ZGRF1: variants seen among roughly 807,000 people sequenced by gnomAD.
ZGRF1 encodes the protein 5'-3' DNA helicase ZGRF1.
In ZGRF1, 196 loss-of-function variants were observed where a neutral mutation model predicts 203.5. The ratio of observed to expected loss-of-function variants is 0.96; its 90% CI spans 0.86 to 1.08. The LOEUF (loss-of-function observed/expected upper bound fraction) is 1.08. ZGRF1 is among the 50% of genes least tolerant of loss of function. ZGRF1 has a pLI of 0.00. For missense variants in ZGRF1, 2,326 were observed against 2,416.3 expected (o/e 0.96, Z 0.78); for synonymous variants, 809 against 841.3 (o/e 0.96, Z 0.66).
intron 15 of ZGRF1, among the ~76,000 whole-genome samples, chr4:112,582,535 C>G (rs1010222300): frequency 6.6e-6 from 1 of 152,140 alleles, no homozygotes; most frequent in Admixed American, 6.5e-5. Flanking sequence ...TCACTGCAAC[C>G]TCCACCTCCT....
At chr4:112,581,412 A>G (rs1413132998) in intron 16 of ZGRF1, among the ~76,000 whole-genome samples, 1 of 151,952 alleles carries the variant, frequency 6.6e-6, no homozygotes, top group African/African-American at 2.4e-5. Context: ...CATGTACCCT[A>G]AAACTTAAAG....
chr4:112,562,191 G>T lies in ZGRF1; in HGVS notation c.4697+180C>A, dbSNP rs1383555178. ...CCCAAAGTGCTGGGATTACAGGCAT[G>T]AGCCACTGCACCCAGCCCCTTTTCT... On this transcript the variant is annotated intron_variant, in intron 18 of 27. Transcript: ENST00000505019. 53 of 484,016 alleles carry T rather than the reference G, an allele frequency of 1.1e-4. No homozygotes were observed. In the East Asian group the frequency reaches 2.1e-3, roughly 19 times the overall value. The allele number at this position is 484,016 out of a possible 1,614,324, so 30.0% of individuals were successfully genotyped here.
At chr4:112,615,923 C>T (rs1370291238) in intron 6 of ZGRF1, among the ~76,000 whole-genome samples, 1 of 152,182 alleles carries the variant, frequency 6.6e-6, no homozygotes, top group Non-Finnish European at 1.5e-5. Flanking sequence ...GCATGAGCCA[C>T]TGTGCCTGGC....
At chr4:112,568,330 G>A (rs549568805) in intron 16 of ZGRF1, among the ~76,000 whole-genome samples, 1 of 152,228 alleles carries the variant, frequency 6.6e-6, no homozygotes, top group African/African-American at 2.4e-5. Context: ...GTTAGACACT[G>A]TATAGAGAAA....
At chr4:112,626,062 G>A (rs961846367) in intron 3 of ZGRF1, among the ~76,000 whole-genome samples, 2 of 152,044 alleles carry the variant, frequency 1.3e-5, no homozygotes, top group African/African-American at 4.8e-5. Flanking sequence ...GGTAAATCTA[G>A]AGACAGTAAG....
At position 112,560,873 on chromosome 4, in the gene ZGRF1, C is replaced by T. The variant is rs770200992; in HGVS notation, c.4820G>A (p.Ser1607Asn). 1 of 1,613,776 alleles carries T rather than the reference C, an allele frequency of 6.2e-7. No homozygotes were observed. Residue 1607 changes from serine to asparagine, a missense_variant, in exon 19 of 28, where the codon AGT becomes AAT. Physicochemically the swap from Ser to Asn is conservative, Grantham distance 46. Coordinates refer to ENST00000505019, the MANE Select transcript of ZGRF1 (RefSeq NM_018392.5). Reference protein sequence around the residue: ...LSLGATLKLASELIQVHKLNK... With the variant: ...LSLGATLKLANELIQVHKLNK... ...TAACTTGTGTACCTGAATCAACTCA[C>T]TAGCTAACTTCAATGTTGCTCCTAG...
At chr4:112,563,062 A>G in intron 17 of ZGRF1, 69 bp downstream of exon 17, 1 of 1,358,634 alleles carries the variant, frequency 7.4e-7, no homozygotes, top group Non-Finnish European at 9.9e-7. Context: ...GTTGGCTTTA[A>G]TCAAACAGTG....
chr4:112,585,477 T>C (rs985170647), intron 14 of ZGRF1, 64 bp downstream of exon 14: 161 of 1,291,020 alleles, frequency 1.2e-4, no homozygotes, highest in Non-Finnish European at 1.6e-4. Context: ...CATGAAGTAA[T>C]AGGTATCTAA....
At position 112,553,878 on chromosome 4, in the gene ZGRF1, A is replaced by G; in HGVS notation, c.5303T>C (p.Ile1768Thr). ...PTERVYVRKS[I>T]EQHKLGTNRT... ...ATTGGTCCCCAGTTTATGCTGCTCA[A>G]TGCTTTTTCTCACATAGACTCTTTC... Residue 1768 changes from isoleucine (I) to threonine (T), a missense_variant, in exon 22 of 28, where the codon ATT (isoleucine) becomes ACT (threonine). By Grantham distance (89) the Ile-to-Thr change is moderately conservative. Transcript: ENST00000505019. 6.2e-7 allele frequency: 1 copy of G among 1,613,576 alleles called. No homozygotes were observed. The highest frequency in any genetic ancestry group is 8.5e-7 in the Non-Finnish European group (1 of 1,179,750).
chr4:112,587,199 G>A, intron 12 of ZGRF1, 81 bp downstream of exon 12: 4 of 1,349,786 alleles, frequency 3.0e-6, no homozygotes, highest in Non-Finnish European at 4.0e-6. Context: ...CTCCTATGCA[G>A]TATATTTTGG....
At chr4:112,548,155 G>T in intron 23 of ZGRF1, 98 bp downstream of exon 23, 1 of 1,043,702 alleles carries the variant, frequency 9.6e-7, no homozygotes, top group Non-Finnish European at 1.4e-6. Context: ...TGTCCAAGCT[G>T]GTCGCAAACT....
At chr4:112,596,391 C>A (rs925325763) in intron 10 of ZGRF1, among the ~76,000 whole-genome samples, 5 of 151,964 alleles carry the variant, frequency 3.3e-5, no homozygotes, top group African/African-American at 1.2e-4. Context: ...AAGTAGGATA[C>A]AATGGACTAA....
chr4:112,610,220 T>C (rs983569402), intron 7 of ZGRF1, among the ~76,000 whole-genome samples: 2 of 152,200 alleles, frequency 1.3e-5, no homozygotes, highest in African/African-American at 2.4e-5. Flanking sequence ...ACAACGGTAC[T>C]AGTAAAAATG....
chr4:112,619,900 G>T, intron 5 of ZGRF1, 102 bp downstream of exon 5: 1 of 1,002,090 alleles, frequency 1.0e-6, no homozygotes, highest in African/African-American at 1.6e-5. Context: ...ATACTATGAA[G>T]TGCCCTTTGA....
At chr4:112,548,047 T>C in intron 23 of ZGRF1, among the ~76,000 whole-genome samples, 1 of 151,968 alleles carries the variant, frequency 6.6e-6, no homozygotes, top group Non-Finnish European at 1.5e-5. Flanking sequence ...GCTCAAACAA[T>C]CCTCCCACCT....
intron 21 of ZGRF1, among the ~76,000 whole-genome samples, chr4:112,554,360 G>A (rs571779336): frequency 6.6e-6 from 1 of 151,928 alleles, no homozygotes; most frequent in South Asian, 2.1e-4. Context: ...TATACCCAAA[G>A]GATTATAAAT....
Position 112,618,055 on chromosome 4 carries a change from T to C in ZGRF1, c.1987A>G (p.Asn663Asp). 2 of 1,613,656 alleles carry C rather than the reference T, an allele frequency of 1.2e-6. No individual in the cohort carries two copies. Among genetic ancestry groups the C allele is most frequent in the Non-Finnish European group, 1.7e-6 (2 of 1,179,848 alleles). The change falls in exon 6 of 28, where the codon AAT becomes GAT. Residue 663 changes from asparagine (N) to aspartate (D), a missense_variant. Coordinates refer to ENST00000505019, the MANE Select transcript of ZGRF1 (RefSeq NM_018392.5). Reference sequence around the variant, plus strand: ...ATTCTGACTTCTTGAATAGGTTTATTAGCATCTTCTTTATTATCTCCGTAT... The same window carrying C: ...ATTCTGACTTCTTGAATAGGTTTATCAGCATCTTCTTTATTATCTCCGTAT... ...AVYGDNKEDA[N>D]KPIQEVRINY...
At chr4:112,545,116 G>A (rs1240564301) in intron 24 of ZGRF1, among the ~76,000 whole-genome samples, 1 of 151,542 alleles carries the variant, frequency 6.6e-6, no homozygotes. Flanking sequence ...AAAAGCACAA[G>A]CAACAGAATA....
At chr4:112,554,015 T>C in intron 21 of ZGRF1, 33 bp from the exon 22 acceptor site, 1 of 1,561,762 alleles carries the variant, frequency 6.4e-7, no homozygotes, top group Non-Finnish European at 8.6e-7. Context: ...TCCTCTTTAT[T>C]CCATTTTTCA....
Sources: gnomAD v4.1 joint callset for allele counts (sites outside exome capture counted in the v4.1 genomes callset) on GRCh38, gnomAD v4.1.1 for gene constraint, MANE v1.5 for transcripts, NCBI Gene and HGNC (gene_info 2026-07-23, HGNC 2026-07-21) for gene names.